PRAMEF15: variants seen among roughly 807,000 people sequenced by gnomAD.
PRAMEF15 encodes the protein PRAME family member 9/15.
In PRAMEF15, 21 loss-of-function variants were observed where a neutral mutation model predicts 35.3. The observed-to-expected ratio is 0.59, with a 90% CI of 0.42 to 0.86. The LOEUF is 0.86. PRAMEF15 is among the 40% of genes least tolerant of loss of function. PRAMEF15 has a pLI of 0.00. For missense variants in PRAMEF15, 360 were observed against 574.1 expected (o/e 0.63, Z 3.81); for synonymous variants, 122 against 223.3 (o/e 0.55, Z 4.05).
At chr1:13,316,740 T>C (rs1394289457) in intron 1 of PRAMEF15, among the ~76,000 whole-genome samples, 1 of 151,966 alleles carries the variant, frequency 6.6e-6, no homozygotes, top group Non-Finnish European at 1.5e-5. Context: ...CTGTCATCTC[T>C]GTCTTTGAAA....
rs1419554115 is a variant in PRAMEF15 at position 13,322,007 on chromosome 1, AT to A, written c.1181del (p.Met394ArgfsTer8). ...CAGCTTCTGTGGAAATCCCATCTGC[AT>A]GGCCACCCTGGAGAACCTGCTGAGC... is the stretch of plus-strand genomic sequence containing the variant. ...TFSFCGNPIC[M>X]ATLENLLSHT... On this transcript the variant is annotated frameshift_variant, in exon 4 of 4. Coordinates refer to ENST00000376152, the MANE Select transcript of PRAMEF15 (RefSeq NM_001098376.3). LOFTEE classifies it high-confidence loss of function. The A allele has an allele frequency of 1.2e-6, 2 of 1,609,682 alleles. No homozygotes were observed. Among genetic ancestry groups the A allele is most frequent in the African/African-American group, 2.7e-5 (2 of 74,660 alleles).
At chr1:13,317,739 A>G (rs1415998836) in intron 1 of PRAMEF15, among the ~76,000 whole-genome samples, 27 of 147,404 alleles carry the variant, frequency 1.8e-4, no homozygotes, top group East Asian at 1.3e-3. Context: ...TCCCACCACT[A>G]CACTCCAGGC....
chr1:13,319,477 C>CA lies in PRAMEF15; in HGVS notation c.405dup (p.Pro136ThrfsTer29). ...GGTGCTTCCTCAATGCCAAGAGGAA[C>CA]AAAAAACCAGTGCAGGACTGTCCAA... On this transcript the variant is annotated frameshift_variant, in exon 3 of 4. Transcript: ENST00000376152. LOFTEE classifies it high-confidence loss of function. 3 of 1,613,588 alleles carry CA rather than the reference C, an allele frequency of 1.9e-6. No homozygotes were observed. The highest frequency in any genetic ancestry group is 1.7e-5 in the Admixed American group (1 of 59,990).
At chr1:13,316,921 G>T (rs1190612959) in intron 1 of PRAMEF15, among the ~76,000 whole-genome samples, 7 of 150,036 alleles carry the variant, frequency 4.7e-5, no homozygotes, top group Non-Finnish European at 8.8e-5. Context: ...CCATGTTTGT[G>T]AAGGGAATCA....
At chr1:13,320,298 C>G (rs1451106744) in intron 3 of PRAMEF15, among the ~76,000 whole-genome samples, 2 of 152,056 alleles carry the variant, frequency 1.3e-5, no homozygotes, top group Admixed American at 6.6e-5. Flanking sequence ...GTGGCTCATG[C>G]CTGTAATCCT....
chr1:13,318,675 C>A lies in PRAMEF15; in HGVS notation c.268C>A (p.Leu90Met). The change falls in exon 2 of 4, where the codon CTG becomes ATG. Residue 90 changes from leucine (L) to methionine (M), a missense_variant. Physicochemically the swap from Leu to Met is conservative, Grantham distance 15 (BLOSUM62 2). This residue lies in a region of PRAMEF15 where 44 missense variants were observed against 25.9 expected (regional missense o/e 1.70). Transcript: ENST00000376152. ...FQAVLDGLDALLTQGVRPRRW... is the reference protein window; with the variant it reads ...FQAVLDGLDAMLTQGVRPRRW... ...AGCTGTGCTCGATGGGCTTGATGCA[C>A]TGCTTACCCAAGGGGTTCGTCCCAG... 3 of 1,614,008 alleles carry A rather than the reference C, an allele frequency of 1.9e-6. No homozygotes were observed. The highest frequency in any genetic ancestry group is 8.5e-7 in the Non-Finnish European group (1 of 1,180,014).
chr1:13,321,812 G>A lies in PRAMEF15; in HGVS notation c.985G>A (p.Asp329Asn). 6.2e-7 allele frequency: 1 copy of A among 1,608,196 alleles called. No individual in the cohort carries two copies. The highest frequency in any genetic ancestry group is 8.5e-7 in the Non-Finnish European group (1 of 1,177,550). Residue 329 changes from aspartate (D) to asparagine (N), a missense_variant, in exon 4 of 4, where the codon GAC (aspartate) becomes AAC (asparagine). By Grantham distance (23) the Asp-to-Asn change is conservative (BLOSUM62 1). Transcript: ENST00000376152. ...GAGTATCAGTCAACTAAAGACCCTGGACCTGAGTGGCATCAGACTGACCAA... is the reference window on the plus strand; with the variant it reads ...GAGTATCAGTCAACTAAAGACCCTGAACCTGAGTGGCATCAGACTGACCAA... ...CPSISQLKTL[D>N]LSGIRLTNYS...
intron 3 of PRAMEF15, among the ~76,000 whole-genome samples, 180 bp downstream of exon 3, chr1:13,320,133 T>A (rs1640063525): frequency 6.6e-6 from 1 of 151,992 alleles, no homozygotes; most frequent in Admixed American, 6.6e-5. Context: ...ACCATCCCAA[T>A]AGAGGCAGAG....
At chr1:13,318,913 C>A (rs1425884094) in intron 2 of PRAMEF15, among the ~76,000 whole-genome samples, 6 of 151,786 alleles carry the variant, frequency 4.0e-5, no homozygotes, top group Non-Finnish European at 8.8e-5. Context: ...CTGAAAGGCA[C>A]CATGAAAAGT....
intron 1 of PRAMEF15, among the ~76,000 whole-genome samples, chr1:13,317,919 G>GAGAGAA (rs1640027924): frequency 7.0e-6 from 1 of 142,730 alleles, no homozygotes; most frequent in Non-Finnish European, 1.6e-5. Flanking sequence ...AGAAGAAAGA[G>GAGAGAA]AGAGAAAGAG....
intron 2 of PRAMEF15, among the ~76,000 whole-genome samples, chr1:13,319,066 T>C (rs4394647): frequency 0.039 from 5,779 of 149,174 alleles, 32 homozygotes; most frequent in South Asian, 0.067. Context: ...TGGTGGTGGG[T>C]TCCTGTAATC....
intron 3 of PRAMEF15, among the ~76,000 whole-genome samples, chr1:13,321,271 G>A (rs1396566836): frequency 1.1e-4 from 16 of 146,340 alleles, no homozygotes; most frequent in Non-Finnish European, 1.9e-4. Context: ...CTGGAGTGTA[G>A]TGGCATGATC....
At chr1:13,321,480 G>C (rs1235088846) in intron 3 of PRAMEF15, among the ~76,000 whole-genome samples, 3,219 of 151,886 alleles carry the variant, frequency 0.021, 142 homozygotes, top group African/African-American at 0.073. Context: ...CTCCCAAAGT[G>C]CTGGGATTAC....
chr1:13,317,736 A>G (rs1332528699), intron 1 of PRAMEF15, among the ~76,000 whole-genome samples: 1 of 151,566 alleles, frequency 6.6e-6, no homozygotes, highest in Non-Finnish European at 1.5e-5. Flanking sequence ...AGATCCCACC[A>G]CTACACTCCA....
Position 13,318,667 on chromosome 1 carries a change from T to C in PRAMEF15, c.260T>C (p.Leu87Pro). ...LEAFQAVLDGLDALLTQGVRP... is the reference protein window; with the variant it reads ...LEAFQAVLDGPDALLTQGVRP... ...GCCTTCCAAGCTGTGCTCGATGGGC[T>C]TGATGCACTGCTTACCCAAGGGGTT... The change falls in exon 2 of 4, where the codon CTT (leucine) becomes CCT (proline). Residue 87 changes from leucine (L) to proline (P), a missense_variant. This residue lies in a region of PRAMEF15 where 5 missense variants were observed against 67.7 expected (regional missense o/e 0.07). Transcript: ENST00000376152. 1 of 1,613,994 alleles carries C rather than the reference T, an allele frequency of 6.2e-7. No homozygotes were observed. The highest frequency in any genetic ancestry group is 8.5e-7 in the Non-Finnish European group (1 of 1,180,010).
In PRAMEF15 at chr1:13,319,853, G is replaced by A; in HGVS notation, c.775G>A (p.Val259Ile). 1.2e-6 allele frequency: 2 copies of A among 1,603,654 alleles called. No individual in the cohort carries two copies. Among genetic ancestry groups the A allele is most frequent in the Non-Finnish European group, 1.7e-6 (2 of 1,179,794 alleles). The change falls in exon 3 of 4, where the codon GTT becomes ATT. Residue 259 changes from valine (V) to isoleucine (I), a missense_variant. Physicochemically the swap from Val to Ile is conservative, Grantham distance 29. Transcript: ENST00000376152. Reference protein sequence around the residue: ...YVSPEQKKEIVTQFTTQFLKL... With the variant: ...YVSPEQKKEIITQFTTQFLKL... Reference sequence around the variant, plus strand: ...TTCCCCAGAGCAGAAGAAGGAGATTGTTACCCAGTTCACCACTCAGTTCCT... The same window carrying A: ...TTCCCCAGAGCAGAAGAAGGAGATTATTACCCAGTTCACCACTCAGTTCCT...
chr1:13,316,530 C>T (rs1168745932), intron 1 of PRAMEF15, among the ~76,000 whole-genome samples: 3 of 151,918 alleles, frequency 2.0e-5, no homozygotes, highest in African/African-American at 7.3e-5. Context: ...GGGTGCATGC[C>T]TGTAGTCCCA....
chr1:13,321,843 G>T lies in PRAMEF15; in HGVS notation c.1016G>T (p.Ser339Ile), dbSNP rs1253627540. 1.2e-6 allele frequency: 2 copies of T among 1,607,766 alleles called. No individual in the cohort carries two copies. Among genetic ancestry groups the T allele is most frequent in the East Asian group, 4.6e-5 (2 of 43,732 alleles). ...DLSGIRLTNY[S>I]LVPLQILLEK... ...AGTGGCATCAGACTGACCAATTATAGTCTTGTGCCTCTCCAAATTCTCCTA... is the reference window on the plus strand; with the variant it reads ...AGTGGCATCAGACTGACCAATTATATTCTTGTGCCTCTCCAAATTCTCCTA... Residue 339 changes from serine (S) to isoleucine (I), a missense_variant, in exon 4 of 4, where the codon AGT becomes ATT. By Grantham distance (142) the Ser-to-Ile change is moderately radical. Coordinates refer to ENST00000376152, the MANE Select transcript of PRAMEF15 (RefSeq NM_001098376.3).
rs1368365522 is a variant in PRAMEF15 at position 13,322,145 on chromosome 1, C to A, written c.1318C>A (p.Leu440Met). 59 of 1,609,334 alleles carry A rather than the reference C, an allele frequency of 3.7e-5. No individual in the cohort carries two copies. In the Middle Eastern group the frequency reaches 1.4e-3, roughly 38 times the overall value. Residue 440 changes from leucine (L) to methionine (M), a missense_variant, in exon 4 of 4, where the codon CTG (leucine) becomes ATG (methionine). Around this residue, in one of 8 missense-constraint regions of PRAMEF15, gnomAD observed 147 missense variants for 123.5 expected, o/e 1.19. Coordinates refer to ENST00000376152, the MANE Select transcript of PRAMEF15 (RefSeq NM_001098376.3). ...WSRFAQIRAE[L>M]MNRVRDLRHP... Reference sequence around the variant, plus strand: ...CAGATTTGCTCAAATTAGGGCTGAGCTGATGAACAGAGTGAGGGACTTAAG... The same window carrying A: ...CAGATTTGCTCAAATTAGGGCTGAGATGATGAACAGAGTGAGGGACTTAAG...
Sources: gnomAD v4.1 joint callset for allele counts (sites outside exome capture counted in the v4.1 genomes callset) on GRCh38, gnomAD v4.1.1 for gene constraint, gnomAD v4.1.1 regional missense constraint, MANE v1.5 for transcripts, NCBI Gene and HGNC (gene_info 2026-07-23, HGNC 2026-07-21) for gene names.